The following PPHLN1 variants were observed in gnomAD, a reference collection of about 807,000 sequenced individuals.
The protein encoded by PPHLN1 is periphilin-1.
In PPHLN1, 29 loss-of-function variants were observed where a neutral mutation model predicts 51.3. The observed-to-expected ratio is 0.57, with a 90% CI of 0.42 to 0.77. The LOEUF is 0.77. PPHLN1 is among the 30% of genes least tolerant of loss of function. PPHLN1 has a pLI of 0.00. For synonymous variants in PPHLN1, 147 were observed against 147.8 expected (o/e 0.99, Z 0.04); for missense variants, 436 against 438.4 (o/e 0.99, Z 0.05).
chr12:42,399,179 G>A (rs2078564565), intron 9 of PPHLN1, 185 bp downstream of exon 9: 2 of 1,266,262 alleles, frequency 1.6e-6, no homozygotes, highest in East Asian at 5.9e-5. Flanking sequence ...TCCCCCACCT[G>A]GATTGTTTAT....
chr12:42,366,750 G>A (rs2075313766), intron 4 of PPHLN1, among the ~76,000 whole-genome samples: 1 of 152,024 alleles, frequency 6.6e-6, no homozygotes, highest in Non-Finnish European at 1.5e-5. Context: ...TATTTTTAAA[G>A]ATTAAGTGTC....
intron 9 of PPHLN1, among the ~76,000 whole-genome samples, chr12:42,436,300 A>G (rs890212094): frequency 3.3e-5 from 5 of 152,338 alleles, no homozygotes; most frequent in African/African-American, 1.2e-4. Context: ...TATTCATTCA[A>G]CATTTACTGG....
chr12:42,396,808 G>A (rs1398944197), intron 8 of PPHLN1, among the ~76,000 whole-genome samples: 1 of 148,906 alleles, frequency 6.7e-6, no homozygotes, highest in Admixed American at 6.7e-5. Context: ...AAGAAATGGG[G>A]ACAGCGGGGC....
intron 9 of PPHLN1, among the ~76,000 whole-genome samples, chr12:42,429,098 T>C (rs2081790143): frequency 6.6e-6 from 1 of 152,210 alleles, no homozygotes; most frequent in Non-Finnish European, 1.5e-5. Flanking sequence ...TATTTTATTA[T>C]GTATTTAATT....
chr12:42,396,958 C>G (rs1260965762), intron 8 of PPHLN1, among the ~76,000 whole-genome samples: 1 of 149,166 alleles, frequency 6.7e-6, no homozygotes, highest in Non-Finnish European at 1.5e-5. Context: ...GAGGATCTTG[C>G]TTCTGGATGA....
chr12:42,403,138 AG>A (rs936117692), intron 9 of PPHLN1, among the ~76,000 whole-genome samples: 12 of 152,338 alleles, frequency 7.9e-5, no homozygotes, highest in African/African-American at 2.9e-4. Flanking sequence ...AGCATTTCAT[AG>A]TAACCTTACA....
chr12:42,389,559 C>CA (rs1283046995), intron 7 of PPHLN1, among the ~76,000 whole-genome samples: 2 of 151,684 alleles, frequency 1.3e-5, no homozygotes, highest in South Asian at 2.1e-4. Flanking sequence ...GACTCTGTCT[C>CA]AAAAAAACAA....
chr12:42,425,246 A>ATTTTTTTTTTT (rs34484756), intron 9 of PPHLN1, among the ~76,000 whole-genome samples: 5 of 124,794 alleles, frequency 4.0e-5, no homozygotes, highest in Admixed American at 8.7e-5. Flanking sequence ...TGCCTGGCTA[A>ATTTTTTTTTTT]TTTTTTTTTT....
At chr12:42,445,273 A>C (rs533964102), downstream of PPHLN1, 70 of 596,088 alleles carry the variant, frequency 1.2e-4, 2 homozygotes, top group South Asian at 1.4e-3. Context: ...TTTTTCCACC[A>C]AAATTAGAGA....
chr12:42,425,479 C>T (rs767093918), intron 9 of PPHLN1, among the ~76,000 whole-genome samples: 15 of 151,894 alleles, frequency 9.9e-5, no homozygotes, highest in South Asian at 2.1e-4. Flanking sequence ...CTCTGCCTCC[C>T]GGGTTCAAGC....
intron 8 of PPHLN1, among the ~76,000 whole-genome samples, chr12:42,394,768 TATTTAA>T (rs2078051100): frequency 6.6e-6 from 1 of 152,100 alleles, no homozygotes. Flanking sequence ...TTTCCAGCAC[TATTTAA>T]AAGCATGAAC....
At chr12:42,445,303 A>G, downstream of PPHLN1, 1 of 580,444 alleles carries the variant, frequency 1.7e-6, no homozygotes, top group Non-Finnish European at 3.1e-6. Context: ...AAACAATGTC[A>G]ACTTACCCAG....
chr12:42,398,821 A>G lies in PPHLN1; in HGVS notation c.769-33A>G, dbSNP rs748049729. Reference sequence around the variant, plus strand: ...TCTGAACTGCTCTATGTTTTTTAAGAAAATAATTAAAGATTTCTAATTCCT... The same window carrying G: ...TCTGAACTGCTCTATGTTTTTTAAGGAAATAATTAAAGATTTCTAATTCCT... On this transcript the variant is annotated intron_variant, in intron 8 of 9. Coordinates refer to ENST00000358314, the MANE Select transcript of PPHLN1 (RefSeq NM_201439.2). 1.4e-5 allele frequency: 22 copies of G among 1,605,224 alleles called. 1 individual carries two copies. In the South Asian group the frequency reaches 2.1e-4, roughly 15 times the overall value.
chr12:42,447,917 T>G, downstream of PPHLN1: 1 of 152,192 alleles, frequency 6.6e-6, no homozygotes, highest in South Asian at 2.1e-4. Flanking sequence ...ATTTAGATGT[T>G]TATACTTATT....
intron 7 of PPHLN1, among the ~76,000 whole-genome samples, chr12:42,389,407 A>C (rs532704009): frequency 6.9e-4 from 105 of 151,642 alleles, no homozygotes; most frequent in African/African-American, 2.4e-3. Context: ...AAAAAAAAAA[A>C]CAATTAGCCG....
chr12:42,427,983 A>G lies in PPHLN1; in HGVS notation c.910-13332A>G, dbSNP rs142579785. ...ACAATTCTAAAAAGAAGACATACAA[A>G]TGGCCAAAAAATATATGAAAAAATG... On this transcript the variant is annotated intron_variant, in intron 9 of 9. Transcript: ENST00000358314. Among the ~76,000 whole-genome samples, 256 of 152,276 alleles carry G rather than the reference A, an allele frequency of 1.7e-3. 2 individuals are homozygous for G. Among genetic ancestry groups the G allele is most frequent in the African/African-American group, 5.6e-3 (234 of 41,574 alleles).
intron 4 of PPHLN1, among the ~76,000 whole-genome samples, chr12:42,360,867 G>A (rs978262977): frequency 5.1e-4 from 77 of 152,146 alleles, no homozygotes; most frequent in African/African-American, 1.8e-3. Context: ...TTTATCACTT[G>A]TTTAAGATGG....
intron 9 of PPHLN1, among the ~76,000 whole-genome samples, chr12:42,413,482 T>C (rs2080060368): frequency 6.6e-6 from 1 of 152,066 alleles, no homozygotes; most frequent in African/African-American, 2.4e-5. Flanking sequence ...ATGTGCCTTA[T>C]TTTATACCAG....
chr12:42,441,525 C>CA lies in PPHLN1; in HGVS notation c.*16_*17insA. 6.8e-7 allele frequency: 1 copy of CA among 1,461,620 alleles called. No homozygotes were observed. 90.5% of individuals were successfully genotyped at this position (1,461,620 alleles called of 1,614,324 possible). Reference sequence around the variant, plus strand: ...GCCTTTTTAGATTTTTCTGCTCAGGCTAAAAAAAAAAAAAAACAGTTTCTA... The same window carrying CA: ...GCCTTTTTAGATTTTTCTGCTCAGGCATAAAAAAAAAAAAAAACAGTTTCTA... On this transcript the variant is annotated 3_prime_UTR_variant, in exon 10 of 10. Coordinates refer to ENST00000358314, the MANE Select transcript of PPHLN1 (RefSeq NM_201439.2).
Sources: allele counts gnomAD v4.1 joint callset (sites outside exome capture counted in the v4.1 genomes callset), GRCh38; gene constraint gnomAD v4.1.1; transcripts MANE v1.5; gene names NCBI Gene and HGNC (gene_info 2026-07-23, HGNC 2026-07-21).